Variants in MTOR observed in about 807,000 individuals in gnomAD.
MTOR encodes the protein serine/threonine-protein kinase mTOR.
MTOR carries 70 observed loss-of-function variants against 319.8 expected under a neutral mutation model. The ratio of observed to expected loss-of-function variants is 0.22; its 90% confidence interval spans 0.18 to 0.27. The LOEUF is 0.27. MTOR is among the 10% of genes least tolerant of loss of function. The pLI is 1.00. For synonymous variants in MTOR, 1,183 were observed against 1,211.4 expected (o/e 0.98, Z 0.49); for missense variants, 1,890 against 3,274.4 (o/e 0.58, Z 10.32).
chr1:11,180,532 C>T lies in MTOR; in HGVS notation c.4254-13015G>A, dbSNP rs137896651. Among the ~76,000 whole-genome samples, 1,245 of 152,256 alleles carry T rather than the reference C, an allele frequency of 8.2e-3. 9 individuals are homozygous for T. The highest frequency in any genetic ancestry group is 0.013 in the Non-Finnish European group (855 of 68,030). Reference sequence around the variant, plus strand: ...TTAAAGAATGACCAGGCCTGTTTTCCAGTTTGTGGTGCCTAAGTCAGGGTG... The same window carrying T: ...TTAAAGAATGACCAGGCCTGTTTTCTAGTTTGTGGTGCCTAAGTCAGGGTG... On this transcript the variant is annotated intron_variant, in intron 28 of 57. Transcript: ENST00000361445.
At chr1:11,195,420 G>A (rs562077131) in intron 28 of MTOR, 97 of 164,720 alleles carry the variant, frequency 5.9e-4, no homozygotes, top group Non-Finnish European at 1.1e-3. Flanking sequence ...TTGCTAAAAA[G>A]AACCATATTA....
intron 24 of MTOR, among the ~76,000 whole-genome samples, chr1:11,210,114 C>T (rs2335398): frequency 0.55 from 84,009 of 151,846 alleles, 27,206 homozygotes; most frequent in East Asian, 0.78. Context: ...GTGATCCTCC[C>T]GCCTCAGCCT....
Position 11,129,432 on chromosome 1 carries a change from T to C in MTOR, c.5714+306A>G, listed in dbSNP as rs192331059. On this transcript the variant is annotated intron_variant, in intron 40 of 57. Coordinates refer to ENST00000361445, the MANE Select transcript of MTOR (RefSeq NM_004958.4). This position sits in a 1 kb window ranked among gnomAD's most constrained non-coding sequence, Gnocchi z 4.7. ...GATTTTAGAAATACTGTGACTTCAATAGGCAACAGGGTGGTCAGAAAAAAA... is the reference window on the plus strand; with the variant it reads ...GATTTTAGAAATACTGTGACTTCAACAGGCAACAGGGTGGTCAGAAAAAAA... Among the ~76,000 whole-genome samples the C allele has an allele frequency of 1.3e-4, 20 of 152,314 alleles. No individual in the cohort carries two copies. Among genetic ancestry groups the C allele is most frequent in the Non-Finnish European group, 2.6e-4 (18 of 68,016 alleles).
intron 21 of MTOR, 82 bp downstream of exon 21, chr1:11,213,317 T>C: frequency 6.9e-7 from 1 of 1,455,716 alleles, no homozygotes; most frequent in Non-Finnish European, 9.3e-7. Flanking sequence ...TCACTCAGAA[T>C]GAGGTCTCAG....
At chr1:11,230,843 A>G in intron 18 of MTOR, 82 bp downstream of exon 18, 1 of 1,578,624 alleles carries the variant, frequency 6.3e-7, no homozygotes, top group Non-Finnish European at 8.7e-7. Context: ...TCAGTAATCC[A>G]GCTCCAGACT....
rs11121692 is a variant in MTOR, at chr1:11,121,790, C to T, written c.6810+189G>A. 0.016 allele frequency among the ~76,000 whole-genome samples: 2,417 copies of T among 152,280 alleles called. 51 individuals are homozygous for T. The highest frequency in any genetic ancestry group is 0.054 in the African/African-American group (2,247 of 41,520). On this transcript the variant is annotated intron_variant, in intron 48 of 57. Transcript: ENST00000361445. This position sits in a 1 kb window ranked among gnomAD's most constrained non-coding sequence, Gnocchi z 4.9. ...CCCTAGGATGGTGAAAACAATTTCT[C>T]AGCTTAAGGGTCCTTCAGTTTCTTA...
At chr1:11,151,310 G>C (rs1194392634) in intron 30 of MTOR, among the ~76,000 whole-genome samples, 1 of 151,924 alleles carries the variant, frequency 6.6e-6, no homozygotes, top group Non-Finnish European at 1.5e-5. Flanking sequence ...AGAAAACCAG[G>C]GACACAAGCA....
chr1:11,158,235 A>G (rs185744319), intron 29 of MTOR, among the ~76,000 whole-genome samples: 16 of 152,306 alleles, frequency 1.1e-4, no homozygotes, highest in Admixed American at 2.6e-4. Flanking sequence ...TAACAACAAT[A>G]TGATTCTGCA....
chr1:11,196,664 C>T (rs541336463), intron 28 of MTOR, among the ~76,000 whole-genome samples: 2 of 152,076 alleles, frequency 1.3e-5, no homozygotes, highest in East Asian at 1.9e-4. Flanking sequence ...ACCATCCTGG[C>T]CAACATGGTG....
intron 19 of MTOR, among the ~76,000 whole-genome samples, chr1:11,224,432 C>G (rs138585640): frequency 1.6e-3 from 239 of 152,082 alleles, no homozygotes; most frequent in African/African-American, 5.7e-3. Flanking sequence ...ATACATAAAA[C>G]AAGATTGACT....
At position 11,106,889 on chromosome 1, in the gene MTOR, G is replaced by A; in HGVS notation, c.*596C>T. ...ACTAGCGGTCAGGTCTTGAATTGAA[G>A]CGTGTGAGTCGCAGCATCACTGGGT... On this transcript the variant is annotated 3_prime_UTR_variant, in exon 58 of 58. Transcript: ENST00000361445. 7.4e-7 allele frequency: 1 copy of A among 1,359,626 alleles called. No individual in the cohort carries two copies. Among genetic ancestry groups the A allele is most frequent in the Non-Finnish European group, 9.7e-7 (1 of 1,033,762 alleles). 84.2% of individuals were successfully genotyped at this position (1,359,626 alleles called of 1,614,324 possible). A position where few individuals can be genotyped will look rare whatever the true frequency, so the allele number is the denominator to read the frequency against.
At chr1:11,134,982 G>C (rs892579652) in intron 36 of MTOR, among the ~76,000 whole-genome samples, 1 of 152,208 alleles carries the variant, frequency 6.6e-6, no homozygotes, top group Non-Finnish European at 1.5e-5. Context: ...TGCATTCACA[G>C]GGAATAGGGA....
Position 11,239,788 on chromosome 1 carries a change from C to T in MTOR, c.1786+515G>A, listed in dbSNP as rs191275778. ...GGTGTGGTGACACGCGCCTATAGTC[C>T]CAGCTACTCGGGAGGCTGTGGCAGG... On this transcript the variant is annotated intron_variant, in intron 11 of 57. Coordinates refer to ENST00000361445, the MANE Select transcript of MTOR (RefSeq NM_004958.4). Among the ~76,000 whole-genome samples, 20 of 151,988 alleles carry T rather than the reference C, an allele frequency of 1.3e-4. No individual in the cohort carries two copies. The East Asian group carries it at 3.7e-3, about 28-fold the overall frequency.
intron 28 of MTOR, chr1:11,195,036 G>A (rs754008519): frequency 1.6e-5 from 26 of 1,611,902 alleles, no homozygotes; most frequent in Admixed American, 5.0e-5. Flanking sequence ...GGAGGCTGCC[G>A]TGGAGCACGG....
In MTOR at chr1:11,110,105, T is replaced by C. The variant is rs75316117; in HGVS notation, c.7367-376A>G. On this transcript the variant is annotated intron_variant, in intron 54 of 57. Transcript: ENST00000361445. ...ATTGAAACATGGATTTTCAGGCAAA[T>C]TGCATTAACAAAATAAACTCATAGG... 1.7e-4 allele frequency among the ~76,000 whole-genome samples: 26 copies of C among 152,196 alleles called. No homozygotes were observed. In the East Asian group the frequency reaches 3.9e-3, roughly 23 times the overall value.
At chr1:11,194,593 A>G (rs1645704413) in intron 28 of MTOR, 1 of 1,614,076 alleles carries the variant, frequency 6.2e-7, no homozygotes, top group Admixed American at 1.7e-5. Context: ...TCATAACAAC[A>G]CAGCCTTCAG....
chr1:11,219,346 G>A (rs1157034653), intron 19 of MTOR, among the ~76,000 whole-genome samples: 1 of 152,020 alleles, frequency 6.6e-6, no homozygotes, highest in Non-Finnish European at 1.5e-5. Context: ...TGCCAGTTGT[G>A]ATGTGGGGTC....
rs530950613 is a variant in MTOR at position 11,198,436 on chromosome 1, C to T, written c.4253+822G>A. On this transcript the variant is annotated intron_variant, in intron 28 of 57. Coordinates refer to ENST00000361445, the MANE Select transcript of MTOR (RefSeq NM_004958.4). Reference sequence around the variant, plus strand: ...AAGGACTTGGCTATTTGATTACCCTCTCAAACAAAGGAGGCTCTATCCTCC... The same window carrying T: ...AAGGACTTGGCTATTTGATTACCCTTTCAAACAAAGGAGGCTCTATCCTCC... Among the ~76,000 whole-genome samples, 3 of 152,296 alleles carry T rather than the reference C, an allele frequency of 2.0e-5. No individual in the cohort carries two copies. The South Asian group carries it at 6.2e-4, about 32-fold the overall frequency.
chr1:11,204,037 G>A (rs1424814187), intron 26 of MTOR, among the ~76,000 whole-genome samples: 1 of 152,078 alleles, frequency 6.6e-6, no homozygotes, highest in Non-Finnish European at 1.5e-5. Flanking sequence ...TGGGTTCCTA[G>A]TCGAGAGTCA....
Sources: allele counts gnomAD v4.1 joint callset (sites outside exome capture counted in the v4.1 genomes callset), GRCh38; gene constraint gnomAD v4.1.1; non-coding constraint Gnocchi (gnomAD v3.1); transcripts MANE v1.5; gene names NCBI Gene and HGNC (gene_info 2026-07-23, HGNC 2026-07-21).